Variants in CLASP2 observed in about 807,000 individuals in gnomAD.
CLASP2 encodes cytoplasmic linker associated protein 2.
A neutral mutation model predicts 194.4 loss-of-function variants in CLASP2; 47 were observed. The observed-to-expected ratio is 0.24, with a 90% confidence interval of 0.19 to 0.31. The LOEUF (loss-of-function observed/expected upper bound fraction) is 0.31. Ranked by LOEUF, CLASP2 falls within the 10% of genes least tolerant of loss-of-function variation. The pLI, the probability that CLASP2 is intolerant of heterozygous loss-of-function variation, is 1.00. For missense variants in CLASP2, 1,445 were observed against 1,823.6 expected, an observed-to-expected ratio of 0.79 and a Z score of 3.78; for synonymous variants, 619 against 633.5, an observed-to-expected ratio of 0.98 and a Z score of 0.34.
rs915670359 is a variant in CLASP2, at chr3:33,498,536, G to A, written c.*95C>T. The stretch of plus-strand genomic sequence containing the variant: ...AACTAAAACTGGGAAACAATAGTAA[G>A]TTCCAAAGGATGTGTTTGAGAACTT... On this transcript the variant is annotated 3_prime_UTR_variant, in exon 39 of 39. Transcript: ENST00000682230. 14 of 776,676 alleles carry A rather than the reference G, an allele frequency of 1.8e-5. No individual in the cohort carries two copies. The highest frequency in any genetic ancestry group is 2.8e-5 in the Non-Finnish European group (13 of 464,348). The allele number at this position is 776,676 out of a possible 1,614,324, so 48.1% of individuals were successfully genotyped here.
At chr3:33,568,151 A>T (rs933584420) in intron 26 of CLASP2, among the ~76,000 whole-genome samples, 1 of 152,212 alleles carries the variant, frequency 6.6e-6, no homozygotes, top group Non-Finnish European at 1.5e-5. Flanking sequence ...AGTTGATCAT[A>T]TATGACAGGG....
At chr3:33,622,044 T>C in intron 11 of CLASP2, 91 bp downstream of exon 11, 4 of 945,306 alleles carry the variant, frequency 4.2e-6, no homozygotes, top group South Asian at 3.1e-5. Context: ...CTTTTTTAGC[T>C]ATCTTGCTAC....
chr3:33,583,768 A>G (rs992646743), intron 22 of CLASP2, among the ~76,000 whole-genome samples: 4 of 152,240 alleles, frequency 2.6e-5, no homozygotes, highest in African/African-American at 7.2e-5. Context: ...GTAATCTGCA[A>G]AAGACTTAAA....
chr3:33,507,982 G>GTA (rs1488457890), intron 37 of CLASP2, among the ~76,000 whole-genome samples: 19 of 149,888 alleles, frequency 1.3e-4, no homozygotes, highest in Admixed American at 5.4e-4. Context: ...GTGTGTGTGT[G>GTA]TATATATATA....
At chr3:33,609,974 TCTGAAGCA>T (rs2074776505) in intron 13 of CLASP2, among the ~76,000 whole-genome samples, 1 of 152,240 alleles carries the variant, frequency 6.6e-6, no homozygotes. Context: ...GAACTCACAG[TCTGAAGCA>T]CTTAACACCA....
intron 34 of CLASP2, among the ~76,000 whole-genome samples, chr3:33,522,470 CATT>C (rs2053402018): frequency 6.6e-6 from 1 of 152,108 alleles, no homozygotes. Flanking sequence ...AATGTAACCA[CATT>C]ATTAAGATTC....
intron 21 of CLASP2, among the ~76,000 whole-genome samples, chr3:33,587,994 A>T (rs549830335): frequency 7.2e-5 from 11 of 152,340 alleles, no homozygotes; most frequent in Non-Finnish European, 1.5e-4. Context: ...TATTCAGCAG[A>T]TAGGAAACTT....
chr3:33,509,007 GTGGAAAA>G (rs1218548836), intron 37 of CLASP2, among the ~76,000 whole-genome samples: 1 of 152,164 alleles, frequency 6.6e-6, no homozygotes, highest in Admixed American at 6.5e-5. Context: ...ACTCTTTTGA[GTGGAAAA>G]TGGTATTTGA....
At chr3:33,560,228 C>T (rs1476613229) in intron 28 of CLASP2, among the ~76,000 whole-genome samples, 1 of 151,726 alleles carries the variant, frequency 6.6e-6, no homozygotes, top group East Asian at 1.9e-4. Context: ...AACCTTACTT[C>T]GCTGATACTT....
intron 12 of CLASP2, among the ~76,000 whole-genome samples, chr3:33,613,892 T>G (rs2154268528): frequency 6.6e-6 from 1 of 152,204 alleles, no homozygotes; most frequent in East Asian, 1.9e-4. Context: ...GATGGAGAGA[T>G]AAACTAACCT....
chr3:33,690,011 T>C (rs569182708), intron 2 of CLASP2, 79 bp from the exon 3 acceptor site: 7 of 870,646 alleles, frequency 8.0e-6, no homozygotes, highest in African/African-American at 6.9e-5. Context: ...AAATTACAAA[T>C]AGCAATTGTT....
chr3:33,565,720 G>A (rs899222392), intron 27 of CLASP2, among the ~76,000 whole-genome samples: 21 of 152,058 alleles, frequency 1.4e-4, no homozygotes, highest in Admixed American at 3.3e-4. Flanking sequence ...GCTGAGGCAG[G>A]AGAACTGCTT....
chr3:33,516,959 GTTTACATA>G lies in CLASP2; in HGVS notation c.3981+14_3981+21del. 1 of 1,594,732 alleles carries G rather than the reference GTTTACATA, an allele frequency of 6.3e-7. No homozygotes were observed. The highest frequency in any genetic ancestry group is 8.6e-7 in the Non-Finnish European group (1 of 1,165,492). On this transcript the variant is annotated intron_variant, in intron 35 of 38. Transcript: ENST00000682230. ...AAAGAGACAGGAAGGAAAGGCTACTGTTTACATATTTTGCCATTTACCTCTTTATCTCC... is the reference window on the plus strand; with the variant it reads ...AAAGAGACAGGAAGGAAAGGCTACTGTTTTGCCATTTACCTCTTTATCTCC...
intron 1 of CLASP2, among the ~76,000 whole-genome samples, chr3:33,702,953 C>T (rs1365194937): frequency 1.3e-5 from 2 of 152,146 alleles, no homozygotes; most frequent in Admixed American, 6.5e-5. Flanking sequence ...TTATGCCCTT[C>T]ACCAAAAATT....
intron 6 of CLASP2, among the ~76,000 whole-genome samples, chr3:33,678,817 C>T (rs1443082311): frequency 3.9e-5 from 6 of 152,150 alleles, no homozygotes; most frequent in Middle Eastern, 3.2e-3. Flanking sequence ...TAGGATGGCT[C>T]GGTATTTTCA....
intron 7 of CLASP2, among the ~76,000 whole-genome samples, chr3:33,656,795 T>A (rs567126414): frequency 1.5e-5 from 2 of 133,270 alleles, no homozygotes; most frequent in Non-Finnish European, 3.3e-5. Flanking sequence ...TTTTAAAAAA[T>A]GATGCGAAAT....
At chr3:33,577,758 G>A (rs1026062650) in intron 23 of CLASP2, among the ~76,000 whole-genome samples, 3 of 152,166 alleles carry the variant, frequency 2.0e-5, no homozygotes, top group East Asian at 3.9e-4. Context: ...GGTGGGGCCT[G>A]TAGGAGCCAA....
At chr3:33,632,586 T>C (rs1379909667) in intron 8 of CLASP2, among the ~76,000 whole-genome samples, 1 of 148,568 alleles carries the variant, frequency 6.7e-6, no homozygotes, top group Admixed American at 7.1e-5. Context: ...GCTAGGCGGG[T>C]TGTAATATTC....
chr3:33,692,331 G>A (rs945291782), intron 2 of CLASP2, among the ~76,000 whole-genome samples: 6 of 152,094 alleles, frequency 3.9e-5, no homozygotes, highest in Non-Finnish European at 1.5e-5. Context: ...TCATTCCTGA[G>A]AGGTGAAATT....
Sources: allele counts gnomAD v4.1 joint callset (sites outside exome capture counted in the v4.1 genomes callset), GRCh38; gene constraint gnomAD v4.1.1; transcripts MANE v1.5; gene names NCBI Gene and HGNC (gene_info 2026-07-23, HGNC 2026-07-21).